ANXA4: variants seen among roughly 807,000 people sequenced by gnomAD.
The protein encoded by ANXA4 is 35-beta calcimedin.
In ANXA4, 39 loss-of-function variants were observed where a neutral mutation model predicts 49.8. The ratio of observed to expected loss-of-function variants is 0.78; its 90% confidence interval spans 0.61 to 1.02. The LOEUF (loss-of-function observed/expected upper bound fraction) is 1.02. Among genes scored for constraint, ANXA4 ranks in the 50% least tolerant of loss-of-function variants. The pLI, the probability that ANXA4 is intolerant of heterozygous loss-of-function variation, is 0.00. For synonymous variants in ANXA4, 134 were observed against 152.5 expected (o/e 0.88, Z 0.89); for missense variants, 360 against 410.1 (o/e 0.88, Z 1.05).
At chr2:69,739,721 G>A (rs1670337465), upstream of ANXA4, among the ~76,000 whole-genome samples, 1 of 152,072 alleles carries the variant, frequency 6.6e-6, no homozygotes, top group Non-Finnish European at 1.5e-5. Context: ...ACAGCACCCA[G>A]CCCTATCTTT....
chr2:69,651,976 G>C (rs894730735), intron 1 of ANXA4, among the ~76,000 whole-genome samples: 1 of 150,942 alleles, frequency 6.6e-6, no homozygotes, highest in East Asian at 2.0e-4. Context: ...CCATATTCTC[G>C]GCCTTTTTAT....
At chr2:69,770,928 T>C (rs967340867) in intron 1 of ANXA4, among the ~76,000 whole-genome samples, 4 of 128,866 alleles carry the variant, frequency 3.1e-5, no homozygotes, top group Admixed American at 7.9e-5. Flanking sequence ...GTCTAGAAAA[T>C]TTAAAAAAAA....
intron 3 of ANXA4, among the ~76,000 whole-genome samples, chr2:69,730,651 C>T (rs1406596660): frequency 1.3e-5 from 2 of 152,186 alleles, no homozygotes; most frequent in East Asian, 1.9e-4. Flanking sequence ...GGCCCCTATG[C>T]GACTTGGAGG....
intron 2 of ANXA4, among the ~76,000 whole-genome samples, chr2:69,665,260 C>T (rs1414134987): frequency 1.3e-5 from 2 of 152,020 alleles, no homozygotes; most frequent in Admixed American, 6.6e-5. Flanking sequence ...GTGAACAGAC[C>T]ACGTTAAAAT....
chr2:69,643,874 G>GC, upstream of ANXA4: 1 of 1,175,962 alleles, frequency 8.5e-7, no homozygotes, highest in Non-Finnish European at 1.1e-6. Flanking sequence ...CCGTTCTGTC[G>GC]CCACGGATGG....
chr2:69,669,259 T>A (rs1677064706), intron 2 of ANXA4, among the ~76,000 whole-genome samples: 1 of 151,632 alleles, frequency 6.6e-6, no homozygotes, highest in Non-Finnish European at 1.5e-5. Context: ...TTGAGCCCAT[T>A]TTTGTCAAAC....
intron 8 of ANXA4, among the ~76,000 whole-genome samples, 200 bp downstream of exon 8, chr2:69,812,909 T>C (rs1450095655): frequency 6.6e-6 from 1 of 152,222 alleles, no homozygotes; most frequent in African/African-American, 2.4e-5. Context: ...ATATAAGCAC[T>C]CCTGGGTTCC....
intron 2 of ANXA4, among the ~76,000 whole-genome samples, chr2:69,680,282 T>C (rs1266021032): frequency 2.0e-5 from 3 of 152,220 alleles, no homozygotes; most frequent in Non-Finnish European, 4.4e-5. Flanking sequence ...TGGGATTACC[T>C]TCTTGATTTC....
chr2:69,757,238 T>TTTTTTATATATATATATATATATATATA (rs1267602375), intron 1 of ANXA4, among the ~76,000 whole-genome samples: 2 of 59,060 alleles, frequency 3.4e-5, no homozygotes, highest in South Asian at 7.9e-4. Flanking sequence ...CATTTTTGTT[T>TTTTTTATATATATATATATATATATATA]TATATATATA....
chr2:69,756,594 CA>C (rs1280778436), intron 1 of ANXA4, among the ~76,000 whole-genome samples: 2 of 152,026 alleles, frequency 1.3e-5, no homozygotes, highest in African/African-American at 2.4e-5. Context: ...AATATACACC[CA>C]AGTGAGAGAA....
At chr2:69,663,804 T>C (rs1394356550) in intron 2 of ANXA4, among the ~76,000 whole-genome samples, 2 of 152,226 alleles carry the variant, frequency 1.3e-5, no homozygotes, top group East Asian at 1.9e-4. Flanking sequence ...CTAGAATGCA[T>C]AGGCAAAAGG....
At chr2:69,725,293 G>A (rs1381253480) in intron 3 of ANXA4, among the ~76,000 whole-genome samples, 1 of 149,732 alleles carries the variant, frequency 6.7e-6, no homozygotes, top group Non-Finnish European at 1.5e-5. Flanking sequence ...TTTATTTGAG[G>A]CATCATTTAT....
intron 2 of ANXA4, among the ~76,000 whole-genome samples, chr2:69,663,293 CTTTTTTTTTTTTTTTTT>C (rs55970370): frequency 0.14 from 5,979 of 43,280 alleles, 260 homozygotes; most frequent in East Asian, 0.15. Context: ...TGCACCCGGC[CTTTTTTTTTTTTTTTTT>C]TTTTTTTTTT....
intron 1 of ANXA4, among the ~76,000 whole-genome samples, chr2:69,651,380 G>A (rs1676224004): frequency 6.6e-6 from 1 of 152,132 alleles, no homozygotes; most frequent in Admixed American, 6.5e-5. Context: ...TGTTTTCTTA[G>A]AGATTTTCAT....
chr2:69,697,899 C>T (rs1276296181), intron 2 of ANXA4, among the ~76,000 whole-genome samples: 1 of 144,906 alleles, frequency 6.9e-6, no homozygotes. Flanking sequence ...AACCTGAGCA[C>T]TTTGAAAGGC....
At chr2:69,692,770 T>C (rs1231380189) in intron 2 of ANXA4, among the ~76,000 whole-genome samples, 1 of 152,204 alleles carries the variant, frequency 6.6e-6, no homozygotes, top group Non-Finnish European at 1.5e-5. Flanking sequence ...TAGCGCTAGG[T>C]AAGGCTAAAT....
intron 1 of ANXA4, among the ~76,000 whole-genome samples, chr2:69,648,888 CT>C (rs777450997): frequency 3.3e-4 from 35 of 105,806 alleles, no homozygotes; most frequent in South Asian, 6.2e-4. Flanking sequence ...TCTTTCTTTT[CT>C]TTTTTTTTTT....
intron 7 of ANXA4, among the ~76,000 whole-genome samples, chr2:69,812,198 C>T (rs1673736457): frequency 6.6e-6 from 1 of 151,366 alleles, no homozygotes; most frequent in Non-Finnish European, 1.5e-5. Flanking sequence ...CATCTTAGCT[C>T]ACTGCCTTGA....
chr2:69,714,881 CTCA>C (rs1304514424), intron 2 of ANXA4, among the ~76,000 whole-genome samples: 2 of 152,182 alleles, frequency 1.3e-5, no homozygotes, highest in African/African-American at 4.8e-5. Flanking sequence ...TTGTGGATAC[CTCA>C]TCAGATCTGT....
Sources: allele counts gnomAD v4.1 joint callset (sites outside exome capture counted in the v4.1 genomes callset), GRCh38; gene constraint gnomAD v4.1.1; transcripts MANE v1.5; gene names NCBI Gene and HGNC (gene_info 2026-07-23, HGNC 2026-07-21).